The following PEX5L variants were observed in gnomAD, a reference collection of about 807,000 sequenced individuals.
PEX5L encodes the protein peroxisomal biogenesis factor 5 like.
A neutral mutation model predicts 84.0 loss-of-function variants in PEX5L; 30 were observed. The observed-to-expected ratio is 0.36, with a 90% CI of 0.27 to 0.48. The LOEUF is 0.48. Among genes scored for constraint, PEX5L ranks in the 20% least tolerant of loss-of-function variants. The pLI is 0.99. For missense variants in PEX5L, 533 were observed against 754.6 expected, an observed-to-expected ratio of 0.71 and a Z score of 3.44; for synonymous variants, 270 against 283.1, an observed-to-expected ratio of 0.95 and a Z score of 0.46.
At chr3:179,819,795 C>G in intron 9 of PEX5L, 65 bp downstream of exon 9, 2 of 1,373,600 alleles carry the variant, frequency 1.5e-6, no homozygotes, top group Non-Finnish European at 2.1e-6. Flanking sequence ...ATTGACTAAT[C>G]TATAAAATAT....
chr3:179,903,176 A>G (rs776926820), intron 2 of PEX5L, among the ~76,000 whole-genome samples: 3 of 152,164 alleles, frequency 2.0e-5, no homozygotes, highest in East Asian at 3.8e-4. Flanking sequence ...ATATTTCTTT[A>G]TGTATACATA....
chr3:180,011,704 A>C (rs1448580981), intron 1 of PEX5L, among the ~76,000 whole-genome samples: 1 of 152,178 alleles, frequency 6.6e-6, no homozygotes. Context: ...CTACCCCCAT[A>C]ACTGAAATAT....
intron 2 of PEX5L, chr3:179,902,764 G>A (rs1761840281): frequency 2.5e-6 from 1 of 403,340 alleles, no homozygotes; most frequent in Non-Finnish European, 4.9e-6. Flanking sequence ...TGCTACCAAG[G>A]AATTTGTAAT....
chr3:180,031,165 G>C (rs1208178102), intron 1 of PEX5L, among the ~76,000 whole-genome samples: 1 of 152,044 alleles, frequency 6.6e-6, no homozygotes, highest in African/African-American at 2.4e-5. Context: ...TATAACATTG[G>C]CAGTGTGTTG....
intron 1 of PEX5L, among the ~76,000 whole-genome samples, chr3:180,022,759 G>A (rs1790531660): frequency 6.6e-6 from 1 of 152,080 alleles, no homozygotes; most frequent in Non-Finnish European, 1.5e-5. Context: ...CTGGCCTTCT[G>A]GGCATTTCTG....
chr3:179,908,401 G>A (rs1763985393), intron 2 of PEX5L, among the ~76,000 whole-genome samples: 5 of 152,206 alleles, frequency 3.3e-5, no homozygotes, highest in Admixed American at 3.3e-4. Flanking sequence ...GGAGTCAGAA[G>A]AGAGGAGTTT....
At chr3:180,000,047 T>C (rs997996438) in intron 1 of PEX5L, among the ~76,000 whole-genome samples, 1 of 152,104 alleles carries the variant, frequency 6.6e-6, no homozygotes, top group Admixed American at 6.5e-5. Flanking sequence ...GGGATAGAAG[T>C]GGAAGTGGCA....
At chr3:180,023,797 G>GACTAGCTGCTTGGTAGA (rs1790644681) in intron 1 of PEX5L, among the ~76,000 whole-genome samples, 2 of 148,292 alleles carry the variant, frequency 1.3e-5, no homozygotes, top group African/African-American at 5.3e-5. Flanking sequence ...GAGAGAGAGA[G>GACTAGCTGCTTGGTAGA]GGAGAGACTA....
rs1373850140 is a variant in PEX5L at position 179,798,147 on chromosome 3, G to T, written c.*3681C>A. 1 of 152,164 alleles carries T rather than the reference G, an allele frequency of 6.6e-6. No homozygotes were observed. Among genetic ancestry groups the T allele is most frequent in the Admixed American group, 6.5e-5 (1 of 15,284 alleles). The allele number at this position is 152,164 out of a possible 1,614,324, so 9.4% of individuals were successfully genotyped here. A position where few individuals can be genotyped will look rare whatever the true frequency, so the allele number is the denominator to read the frequency against. On this transcript the variant is annotated 3_prime_UTR_variant, in exon 15 of 15. Transcript: ENST00000467460. ...CATGGGTCCCACGTTCAATATAATA[G>T]TATCTTAAAGAGAAGAATGAGGAAA...
At chr3:179,817,170 T>G (rs1189178209) in intron 9 of PEX5L, among the ~76,000 whole-genome samples, 1 of 152,242 alleles carries the variant, frequency 6.6e-6, no homozygotes, top group Non-Finnish European at 1.5e-5. Flanking sequence ...GGGGCTATAT[T>G]GCCCCTGTTG....
chr3:179,862,851 CA>C (rs2108573230), intron 7 of PEX5L, among the ~76,000 whole-genome samples: 1 of 152,220 alleles, frequency 6.6e-6, no homozygotes, highest in East Asian at 1.9e-4. Context: ...AAAATTTGTA[CA>C]GACTCACAAG....
chr3:179,877,248 T>C (rs1577950587), intron 5 of PEX5L, among the ~76,000 whole-genome samples: 2 of 152,344 alleles, frequency 1.3e-5, no homozygotes, highest in South Asian at 4.1e-4. Flanking sequence ...CTGAATAAGT[T>C]CATTGTCTGT....
intron 1 of PEX5L, among the ~76,000 whole-genome samples, chr3:179,982,154 G>C (rs942112433): frequency 6.6e-6 from 1 of 152,002 alleles, no homozygotes; most frequent in Non-Finnish European, 1.5e-5. Flanking sequence ...GTAGAGTAAG[G>C]GACACTTGAT....
chr3:179,908,188 T>A (rs1013678522), intron 2 of PEX5L, among the ~76,000 whole-genome samples: 3 of 152,214 alleles, frequency 2.0e-5, no homozygotes, highest in Non-Finnish European at 2.9e-5. Context: ...TTGGGTTCCT[T>A]AAAAGCAGAT....
chr3:179,838,457 CT>C (rs1735832630), intron 8 of PEX5L, among the ~76,000 whole-genome samples: 1 of 152,128 alleles, frequency 6.6e-6, no homozygotes, highest in South Asian at 2.1e-4. Flanking sequence ...TCAACAGTCA[CT>C]TTTTTAAAAG....
intron 1 of PEX5L, among the ~76,000 whole-genome samples, chr3:180,005,237 A>T (rs931854080): frequency 2.6e-5 from 4 of 152,026 alleles, no homozygotes; most frequent in African/African-American, 9.7e-5. Flanking sequence ...TGGATTGATG[A>T]GCGGGGATTT....
At chr3:179,811,211 G>T (rs1723656951) in intron 11 of PEX5L, among the ~76,000 whole-genome samples, 1 of 71,640 alleles carries the variant, frequency 1.4e-5, no homozygotes, top group Admixed American at 1.5e-4. Flanking sequence ...ATAACATATG[G>T]AATGTATGTG....
chr3:179,870,464 AG>A (rs11301018), intron 7 of PEX5L, among the ~76,000 whole-genome samples: 43,427 of 151,982 alleles, frequency 0.29, 6,664 homozygotes, highest in East Asian at 0.6. Flanking sequence ...GATGGATTTG[AG>A]GTTTCCTCCC....
At chr3:179,860,462 C>T (rs1426487286) in intron 7 of PEX5L, among the ~76,000 whole-genome samples, 4 of 152,250 alleles carry the variant, frequency 2.6e-5, no homozygotes, top group African/African-American at 9.6e-5. Flanking sequence ...GCCTGGGCCC[C>T]ACCCCAACCA....
Sources: allele counts gnomAD v4.1 joint callset (sites outside exome capture counted in the v4.1 genomes callset), GRCh38; gene constraint gnomAD v4.1.1; transcripts MANE v1.5; gene names NCBI Gene and HGNC (gene_info 2026-07-23, HGNC 2026-07-21).